The following SELENOI variants were observed in gnomAD, a reference collection of about 807,000 sequenced individuals.
The protein encoded by SELENOI is selenoprotein I.
A neutral mutation model predicts 50.7 loss-of-function variants in SELENOI; 24 were observed. The observed-to-expected ratio is 0.47, with a 90% CI of 0.34 to 0.67. The LOEUF (loss-of-function observed/expected upper bound fraction) is 0.67, where lower values mean the gene tolerates loss of function less well. Ranked by LOEUF, SELENOI falls within the 30% of genes least tolerant of loss-of-function variation. The pLI is 0.01. For synonymous variants in SELENOI, 155 were observed against 170.2 expected (o/e 0.91, Z 0.70); for missense variants, 352 against 461.4 (o/e 0.76, Z 2.17).
chr2:26,367,649 C>A (rs1480183213), intron 4 of SELENOI, among the ~76,000 whole-genome samples: 1 of 152,112 alleles, frequency 6.6e-6, no homozygotes, highest in Non-Finnish European at 1.5e-5. Context: ...TGGAATAAGA[C>A]ATCATTTTTC....
rs377350760 is a variant in SELENOI, at chr2:26,389,332, G to A, written c.*229G>A. 85 of 421,122 alleles carry A rather than the reference G, an allele frequency of 2.0e-4. No homozygotes were observed. The highest frequency in any genetic ancestry group is 1.5e-3 in the African/African-American group (74 of 50,790). 26.1% of individuals were successfully genotyped at this position (421,122 alleles called of 1,614,324 possible). On this transcript the variant is annotated 3_prime_UTR_variant, in exon 10 of 10. Transcript: ENST00000260585. ...GACATTTTGGTTGAGCAGAATGTAC[G>A]TTAGACCAGCAAAATGTTCCTAATG...
intron 1 of SELENOI, among the ~76,000 whole-genome samples, chr2:26,355,177 C>G (rs1230717350): frequency 6.6e-6 from 1 of 152,158 alleles, no homozygotes; most frequent in Non-Finnish European, 1.5e-5. Context: ...ATTCCCTGCA[C>G]AAATGAACAT....
chr2:26,346,226 G>A lies in SELENOI; in HGVS notation c.-7G>A. 6.2e-7 allele frequency: 1 copy of A among 1,613,686 alleles called. No homozygotes were observed. The highest frequency in any genetic ancestry group is 8.5e-7 in the Non-Finnish European group (1 of 1,179,662). On this transcript the variant is annotated 5_prime_UTR_variant, in exon 1 of 10. Coordinates refer to ENST00000260585, the MANE Select transcript of SELENOI (RefSeq NM_033505.4). ...CTGCCGAGTGGGCGCTCAGTTTTCG[G>A]GTCGTCATGGCTGGCTACGAATACG...
At chr2:26,350,032 C>T (rs1279902193) in intron 1 of SELENOI, among the ~76,000 whole-genome samples, 1 of 149,778 alleles carries the variant, frequency 6.7e-6, no homozygotes, top group East Asian at 2.0e-4. Flanking sequence ...TCAGTTGAGT[C>T]TGGAAGTTGA....
intron 6 of SELENOI, among the ~76,000 whole-genome samples, chr2:26,382,219 T>G (rs1677720802): frequency 6.6e-6 from 1 of 152,148 alleles, no homozygotes; most frequent in Non-Finnish European, 1.5e-5. Flanking sequence ...TAGTTGTGCT[T>G]TAAGAGGGAT....
rs754716048 is a variant in SELENOI, at chr2:26,386,482, G to A, written c.1041G>A (p.Leu347=). The A allele has an allele frequency of 1.2e-6, 2 of 1,613,702 alleles. No homozygotes were observed. Among genetic ancestry groups the A allele is most frequent in the Admixed American group, 1.7e-5 (1 of 59,992 alleles). Residue 347 remains leucine (L), a synonymous_variant, in exon 9 of 10, where the codon CTG becomes CTA. Coordinates refer to ENST00000260585, the MANE Select transcript of SELENOI (RefSeq NM_033505.4). The part of the protein sequence containing the change: ...GVASYVESIL[L]YTLTTAFTLA... ...CCTCTTACGTTGAGAGCATTCTCCT[G>A]TATACATTAACAACTGCTTTTACTC...
rs1232858326 is a variant in SELENOI at position 26,394,277 on chromosome 2, C to T, written c.*5174C>T. ...GCATGGTGGCATGTGCCTGTAATCC[C>T]AGTTACTGGGGAGGCTGAGGCAGGA... On this transcript the variant is annotated 3_prime_UTR_variant, in exon 10 of 10. Coordinates refer to ENST00000260585, the MANE Select transcript of SELENOI (RefSeq NM_033505.4). This position sits in a 1 kb window ranked among gnomAD's most constrained non-coding sequence, Gnocchi z 4.1. The T allele has an allele frequency of 6.6e-6, 1 of 152,184 alleles. No individual in the cohort carries two copies. The highest frequency in any genetic ancestry group is 1.5e-5 in the Non-Finnish European group (1 of 68,052). The allele number at this position is 152,184 out of a possible 1,614,324, so 9.4% of individuals were successfully genotyped here. A position where few individuals can be genotyped will look rare whatever the true frequency, so the allele number is the denominator to read the frequency against.
At chr2:26,367,115 G>GT (rs756870276) in intron 3 of SELENOI, 31 bp from the exon 4 acceptor site, 2 of 1,584,248 alleles carry the variant, frequency 1.3e-6, no homozygotes, top group South Asian at 2.3e-5. Flanking sequence ...TACTTAAACT[G>GT]TATTAAAATC....
chr2:26,362,807 T>C (rs1377041009), intron 1 of SELENOI, among the ~76,000 whole-genome samples: 1 of 152,010 alleles, frequency 6.6e-6, no homozygotes, highest in Non-Finnish European at 1.5e-5. Context: ...TAGTATAATA[T>C]GTAAATTTCA....
At chr2:26,353,586 C>T (rs1677002917) in intron 1 of SELENOI, among the ~76,000 whole-genome samples, 1 of 152,128 alleles carries the variant, frequency 6.6e-6, no homozygotes, top group Non-Finnish European at 1.5e-5. Flanking sequence ...GCCCTCTGTT[C>T]CCTGTAAGTA....
chr2:26,392,517 GT>G lies in SELENOI; in HGVS notation c.*3417del, dbSNP rs1404701621. The G allele has an allele frequency of 3.9e-5, 6 of 152,062 alleles. No homozygotes were observed. The highest frequency in any genetic ancestry group is 1.3e-4 in the Admixed American group (2 of 15,272). The allele number at this position is 152,062 out of a possible 1,614,324, so 9.4% of individuals were successfully genotyped here. A position where few individuals can be genotyped will look rare whatever the true frequency, so the allele number is the denominator to read the frequency against. ...TTCTTCCTCTTCGTTCTTCACCTGG[GT>G]TTCCTCTTATCTACCCACCACCTAG... On this transcript the variant is annotated 3_prime_UTR_variant, in exon 10 of 10. Coordinates refer to ENST00000260585, the MANE Select transcript of SELENOI (RefSeq NM_033505.4).
chr2:26,366,385 T>C (rs1320161782), intron 3 of SELENOI, among the ~76,000 whole-genome samples: 1 of 152,298 alleles, frequency 6.6e-6, no homozygotes, highest in East Asian at 1.9e-4. Flanking sequence ...TCTTTGTAAC[T>C]AGAAATACTA....
intron 4 of SELENOI, among the ~76,000 whole-genome samples, chr2:26,372,169 A>G (rs971757610): frequency 2.6e-5 from 4 of 151,632 alleles, no homozygotes; most frequent in Admixed American, 6.6e-5. Context: ...CTGGAGTGCA[A>G]TGGTGTGATC....
At chr2:26,355,502 C>T (rs1368909737) in intron 1 of SELENOI, among the ~76,000 whole-genome samples, 4 of 152,200 alleles carry the variant, frequency 2.6e-5, no homozygotes, top group Admixed American at 1.3e-4. Flanking sequence ...CACTAAATGA[C>T]GCCTCCTTTT....
At chr2:26,382,621 G>A (rs1359271633) in intron 6 of SELENOI, among the ~76,000 whole-genome samples, 1 of 152,122 alleles carries the variant, frequency 6.6e-6, no homozygotes, top group Non-Finnish European at 1.5e-5. Context: ...AGGGTTTCTT[G>A]GGAAGGCCAT....
intron 5 of SELENOI, among the ~76,000 whole-genome samples, chr2:26,374,671 C>T (rs554713424): frequency 4.0e-5 from 6 of 150,318 alleles, no homozygotes; most frequent in South Asian, 2.1e-4. Context: ...TGGGTTCAGG[C>T]GATTCTTCCG....
At chr2:26,386,565 A>G (rs751409236) in intron 9 of SELENOI, 29 bp downstream of exon 9, 4 of 1,498,568 alleles carry the variant, frequency 2.7e-6, no homozygotes, top group Middle Eastern at 1.8e-4. Flanking sequence ...AATGGGTTCA[A>G]TTTGGGGCTT....
Position 26,375,143 on chromosome 2 carries a change from T to G in SELENOI, c.677T>G (p.Ile226Ser), listed in dbSNP as rs1179006490. ...TATAGAGACCTATTCACTGCAATGA[T>G]TATTGGTAAGAAGCTCCATGTTGAA... Reference protein sequence around the residue: ...FLYRDLFTAMIIGCALCVTLP... With the variant: ...FLYRDLFTAMSIGCALCVTLP... The change falls in exon 6 of 10, where the codon ATT becomes AGT. Residue 226 changes from isoleucine to serine, a missense_variant. Coordinates refer to ENST00000260585, the MANE Select transcript of SELENOI (RefSeq NM_033505.4). 1 of 1,590,992 alleles carries G rather than the reference T, an allele frequency of 6.3e-7. No individual in the cohort carries two copies. The highest frequency in any genetic ancestry group is 1.1e-5 in the South Asian group (1 of 89,546).
intron 7 of SELENOI, 46 bp from the exon 8 acceptor site, chr2:26,384,912 AT>A (rs1312045641): frequency 7.9e-6 from 11 of 1,394,444 alleles, no homozygotes; most frequent in Non-Finnish European, 9.9e-6. Flanking sequence ...GTACTGTACA[AT>A]TTATATGTAA....
Sources: gnomAD v4.1 joint callset for allele counts (sites outside exome capture counted in the v4.1 genomes callset) on GRCh38, gnomAD v4.1.1 for gene constraint, Gnocchi (gnomAD v3.1) non-coding constraint, MANE v1.5 for transcripts, NCBI Gene and HGNC (gene_info 2026-07-23, HGNC 2026-07-21) for gene names.